The following YAF2 variants were observed in gnomAD, a reference collection of about 807,000 sequenced individuals.
YAF2 encodes the protein YY1-associated factor 2.
A neutral mutation model predicts 20.1 loss-of-function variants in YAF2; 7 were observed. The ratio of observed to expected loss-of-function variants is 0.35; its 90% confidence interval spans 0.20 to 0.65. The LOEUF is 0.65. Among genes scored for constraint, YAF2 ranks in the 30% least tolerant of loss-of-function variants. The probability of loss-of-function intolerance (pLI) is 0.69; values close to 1 mark genes in which losing one functional copy is unlikely to be tolerated. For missense variants in YAF2, 151 were observed against 219.2 expected (o/e 0.69, Z 1.96); for synonymous variants, 74 against 76.0 (o/e 0.97, Z 0.14).
In YAF2 at chr12:42,174,100, GAA is replaced by G. The variant is rs200411659; in HGVS notation, c.153-12337_153-12336del. ...ATTTCAATAATTCATACCTCAAAAA[GAA>G]AAAAAAAAAAAAAACTCTTTCCTGA... On this transcript the variant is annotated intron_variant, in intron 2 of 3. Transcript: ENST00000534854. Among the ~76,000 whole-genome samples the G allele has an allele frequency of 4.4e-4, 53 of 119,254 alleles. 1 individual carries two copies. The highest frequency in any genetic ancestry group is 1.0e-3 in the African/African-American group (34 of 33,306). The allele number at this position is 119,254 out of a possible 152,430, so 78.2% of individuals were successfully genotyped here.
Position 42,159,823 on chromosome 12 carries a change from T to C in YAF2, c.*766A>G. On this transcript the variant is annotated 3_prime_UTR_variant, in exon 4 of 4. Coordinates refer to ENST00000534854, the MANE Select transcript of YAF2 (RefSeq NM_005748.6). ...CTTATAATTATTTGAATTTTAATGT[T>C]TTATATGATACAGAAAATACCAGTG... 1 of 152,550 alleles carries C rather than the reference T, an allele frequency of 6.6e-6. No homozygotes were observed. Among genetic ancestry groups the C allele is most frequent in the South Asian group, 2.1e-4 (1 of 4,834 alleles). 9.4% of individuals were successfully genotyped at this position (152,550 alleles called of 1,614,324 possible).
intron 2 of YAF2, among the ~76,000 whole-genome samples, chr12:42,215,767 C>A (rs546084906): frequency 1.5e-4 from 23 of 151,922 alleles, no homozygotes; most frequent in Non-Finnish European, 3.1e-4. Context: ...ACTAAAAACA[C>A]CAAAAAACAT....
chr12:42,212,602 G>T, intron 2 of YAF2: 1 of 258,888 alleles, frequency 3.9e-6, no homozygotes, highest in Non-Finnish European at 7.7e-6. Flanking sequence ...AAAATGGTCT[G>T]TAAAATCATT....
At chr12:42,221,062 AAGAC>A (rs1365342540) in intron 2 of YAF2, among the ~76,000 whole-genome samples, 2 of 152,186 alleles carry the variant, frequency 1.3e-5, no homozygotes, top group Non-Finnish European at 2.9e-5. Flanking sequence ...TATAGGAAAA[AAGAC>A]AGCCATTTTA....
intron 2 of YAF2, among the ~76,000 whole-genome samples, chr12:42,165,718 G>A (rs938989730): frequency 6.1e-5 from 9 of 148,104 alleles, no homozygotes; most frequent in Admixed American, 6.8e-5. Flanking sequence ...TGATCTGCCC[G>A]CCTCAGCCTC....
At chr12:42,161,268 G>A (rs2065793769) in intron 3 of YAF2, 1 of 247,620 alleles carries the variant, frequency 4.0e-6, no homozygotes, top group African/African-American at 2.3e-5. Flanking sequence ...TGACCATTTT[G>A]ATAGGTTAAA....
At chr12:42,181,178 T>C (rs1221041985) in intron 2 of YAF2, among the ~76,000 whole-genome samples, 1 of 152,226 alleles carries the variant, frequency 6.6e-6, no homozygotes, top group African/African-American at 2.4e-5. Flanking sequence ...GTTACTGAAG[T>C]AAATAATACT....
At chr12:42,207,684 C>A (rs181743574) in intron 2 of YAF2, among the ~76,000 whole-genome samples, 44 of 151,278 alleles carry the variant, frequency 2.9e-4, no homozygotes, top group East Asian at 7.9e-4. Context: ...CAAGGTCAGG[C>A]GATCAAGACC....
intron 2 of YAF2, among the ~76,000 whole-genome samples, chr12:42,191,892 C>T (rs553207651): frequency 3.3e-5 from 5 of 151,662 alleles, no homozygotes; most frequent in Middle Eastern, 3.4e-3. Flanking sequence ...GTGTTCAAGA[C>T]CAGCCTGGTC....
intron 2 of YAF2, chr12:42,235,169 G>A: frequency 3.0e-6 from 3 of 990,320 alleles, no homozygotes; most frequent in Non-Finnish European, 3.6e-6. Context: ...AATCCCATCT[G>A]TGCGTCACAC....
chr12:42,227,851 G>GA (rs2067789217), intron 2 of YAF2, among the ~76,000 whole-genome samples: 1 of 137,060 alleles, frequency 7.3e-6, no homozygotes, highest in Non-Finnish European at 1.6e-5. Context: ...AGGTGGGGGG[G>GA]TCAGCCCCCC....
At chr12:42,180,437 T>C (rs989545194) in intron 2 of YAF2, among the ~76,000 whole-genome samples, 1 of 152,128 alleles carries the variant, frequency 6.6e-6, no homozygotes, top group Non-Finnish European at 1.5e-5. Flanking sequence ...AAGTGAGTGA[T>C]TCCTCCTGTC....
intron 2 of YAF2, among the ~76,000 whole-genome samples, chr12:42,227,006 G>A (rs61940233): frequency 0.21 from 30,183 of 146,456 alleles, 3,198 homozygotes; most frequent in Admixed American, 0.25. Flanking sequence ...CGGCGCTGAC[G>A]CCCGCGGGCC....
At chr12:42,234,712 G>A (rs996459019) in intron 2 of YAF2, 29 of 984,396 alleles carry the variant, frequency 2.9e-5, no homozygotes, top group Admixed American at 1.2e-4. Flanking sequence ...TAAAGGGGCC[G>A]AATGGTGGCT....
At chr12:42,171,399 G>A (rs1320104376) in intron 2 of YAF2, among the ~76,000 whole-genome samples, 1 of 152,096 alleles carries the variant, frequency 6.6e-6, no homozygotes, top group Non-Finnish European at 1.5e-5. Context: ...GAGGCAGGAG[G>A]ATCACTTGAG....
intron 2 of YAF2, among the ~76,000 whole-genome samples, chr12:42,214,242 T>C (rs1281260905): frequency 1.3e-5 from 2 of 152,190 alleles, no homozygotes; most frequent in African/African-American, 4.8e-5. Flanking sequence ...GCTTTCAACT[T>C]GCCGTTAACT....
Position 42,199,237 on chromosome 12 carries a change from T to C in YAF2, c.153-37472A>G, listed in dbSNP as rs948192483. The stretch of plus-strand genomic sequence containing the variant: ...AACCAGGCTCTCTTCCTGTTATCTC[T>C]GGCAAAAGGGTTACAGAGTAAGAAA... On this transcript the variant is annotated intron_variant, in intron 2 of 3. Coordinates refer to ENST00000534854, the MANE Select transcript of YAF2 (RefSeq NM_005748.6). 17 of 1,287,550 alleles carry C rather than the reference T, an allele frequency of 1.3e-5. No homozygotes were observed. In the African/African-American group the frequency reaches 2.4e-4, roughly 18 times the overall value. The allele number at this position is 1,287,550 out of a possible 1,614,324, so 79.8% of individuals were successfully genotyped here.
rs1311230055 is a variant in YAF2, at chr12:42,158,481, A to T, written c.*2108T>A. The T allele has an allele frequency of 6.6e-6, 1 of 152,192 alleles. No individual in the cohort carries two copies. Among genetic ancestry groups the T allele is most frequent in the African/African-American group, 2.4e-5 (1 of 41,448 alleles). 9.4% of individuals were successfully genotyped at this position (152,192 alleles called of 1,614,324 possible). A position where few individuals can be genotyped will look rare whatever the true frequency, so the allele number is the denominator to read the frequency against. Reference sequence around the variant, plus strand: ...ACCAGTATGTGTCAGATAATTAAGAATTTTACACGGATTGACTTAATCCTC... The same window carrying T: ...ACCAGTATGTGTCAGATAATTAAGATTTTTACACGGATTGACTTAATCCTC... On this transcript the variant is annotated 3_prime_UTR_variant, in exon 4 of 4. Coordinates refer to ENST00000534854, the MANE Select transcript of YAF2 (RefSeq NM_005748.6).
chr12:42,174,175 A>G (rs2066123887), intron 2 of YAF2, among the ~76,000 whole-genome samples: 2 of 151,342 alleles, frequency 1.3e-5, no homozygotes, highest in South Asian at 4.2e-4. Context: ...CTTTTCCATG[A>G]CACCTCAAAA....
Sources: allele counts gnomAD v4.1 joint callset (sites outside exome capture counted in the v4.1 genomes callset), GRCh38; gene constraint gnomAD v4.1.1; transcripts MANE v1.5; gene names NCBI Gene and HGNC (gene_info 2026-07-23, HGNC 2026-07-21).